BORCS5: variants seen among roughly 807,000 people sequenced by gnomAD.
The protein encoded by BORCS5 is BLOC-1 related complex subunit 5.
In BORCS5, 17 loss-of-function variants were observed where a neutral mutation model predicts 22.1. The ratio of observed to expected loss-of-function variants is 0.77; its 90% CI spans 0.53 to 1.15. The LOEUF is 1.15. BORCS5 is among the 50% of genes most tolerant of loss of function. The pLI is 0.00. For missense variants in BORCS5, 247 were observed against 253.2 expected (o/e 0.98, Z 0.17); for synonymous variants, 117 against 99.8 (o/e 1.17, Z -1.03).
At chr12:12,442,885 C>A (rs1407324776) in intron 3 of BORCS5, among the ~76,000 whole-genome samples, 1 of 152,180 alleles carries the variant, frequency 6.6e-6, no homozygotes, top group Admixed American at 6.5e-5. Flanking sequence ...GGATTTCTTT[C>A]TGTCATCGGT....
At chr12:12,417,957 CT>C (rs61573003) in intron 2 of BORCS5, among the ~76,000 whole-genome samples, 156 of 148,846 alleles carry the variant, frequency 1.0e-3, no homozygotes, top group African/African-American at 3.6e-3. Context: ...ATTTATAATT[CT>C]TTTTTTTTAT....
At chr12:12,438,251 C>G in intron 3 of BORCS5, among the ~76,000 whole-genome samples, 1 of 151,356 alleles carries the variant, frequency 6.6e-6, no homozygotes, top group South Asian at 2.1e-4. Context: ...GTCCCAGCTC[C>G]TCGGGAGGCT....
chr12:12,357,574 C>T (rs1471751970), intron 1 of BORCS5, 65 bp downstream of exon 1: 3 of 1,546,454 alleles, frequency 1.9e-6, no homozygotes, highest in Non-Finnish European at 2.7e-6. Context: ...GGGCTGCCTC[C>T]CAGACTAGGG....
At chr12:12,450,989 T>G (rs1478987574) in intron 3 of BORCS5, among the ~76,000 whole-genome samples, 2 of 152,220 alleles carry the variant, frequency 1.3e-5, no homozygotes, top group Non-Finnish European at 2.9e-5. Flanking sequence ...CTGGGTTCTA[T>G]CTACCAAATC....
At chr12:12,361,010 C>T (rs538051065) in intron 1 of BORCS5, among the ~76,000 whole-genome samples, 196 bp from the exon 2 acceptor site, 3 of 152,150 alleles carry the variant, frequency 2.0e-5, no homozygotes, top group African/African-American at 4.8e-5. Context: ...CATGAGCCAC[C>T]GTGCCTGGCT....
intron 2 of BORCS5, among the ~76,000 whole-genome samples, chr12:12,365,941 C>T (rs968382311): frequency 1.3e-5 from 2 of 152,168 alleles, no homozygotes; most frequent in African/African-American, 2.4e-5. Flanking sequence ...CAGGAACTAG[C>T]GTGGTGGGTA....
chr12:12,372,658 T>G (rs940784768), intron 2 of BORCS5, among the ~76,000 whole-genome samples: 3 of 152,152 alleles, frequency 2.0e-5, no homozygotes, highest in African/African-American at 7.2e-5. Context: ...TAGTTTAATT[T>G]CATCTCACTA....
At chr12:12,374,280 C>G (rs1042817252) in intron 2 of BORCS5, among the ~76,000 whole-genome samples, 8 of 151,694 alleles carry the variant, frequency 5.3e-5, no homozygotes, top group African/African-American at 1.7e-4. Context: ...TGTGAGCCAC[C>G]GCACCCGGCC....
At position 12,408,468 on chromosome 12, in the gene BORCS5, TG is replaced by T. The variant is rs538726406; in HGVS notation, c.203-27159del. Among the ~76,000 whole-genome samples, 3 of 152,338 alleles carry T rather than the reference TG, an allele frequency of 2.0e-5. No individual in the cohort carries two copies. In the South Asian group the frequency reaches 6.2e-4, roughly 32 times the overall value. ...TCAGTGGTATTAAGTACATTGAGAT[TG>T]TTGTGTGACCATCACCACTGTCCAT... On this transcript the variant is annotated intron_variant, in intron 2 of 3. Coordinates refer to ENST00000314565, the MANE Select transcript of BORCS5 (RefSeq NM_058169.6).
intron 1 of BORCS5, 54 bp downstream of exon 1, chr12:12,357,563 C>T: frequency 1.9e-6 from 3 of 1,561,358 alleles, no homozygotes; most frequent in Non-Finnish European, 1.8e-6. Flanking sequence ...CCTTGCAGAG[C>T]GGGCTGCCTC....
chr12:12,374,976 A>G (rs1274641401), intron 2 of BORCS5, among the ~76,000 whole-genome samples: 1 of 151,624 alleles, frequency 6.6e-6, no homozygotes, highest in Admixed American at 6.6e-5. Context: ...AAAATTATTA[A>G]CCAAGTTTGT....
At chr12:12,438,385 A>ATACAC (rs1257519800) in intron 3 of BORCS5, among the ~76,000 whole-genome samples, 2 of 126,146 alleles carry the variant, frequency 1.6e-5, no homozygotes, top group African/African-American at 6.5e-5. Context: ...AAAAAACGAA[A>ATACAC]AACAACAACA....
At position 12,381,561 on chromosome 12, in the gene BORCS5, T is replaced by C. The variant is rs1173603298; in HGVS notation, c.202+20212T>C. On this transcript the variant is annotated intron_variant, in intron 2 of 3. Transcript: ENST00000314565. ...GTCTGTTCCATTGATCTGTCCCATT[T>C]TTAATTTCGTGGATTGTACTTTGGT... Among the ~76,000 whole-genome samples, 14 of 151,544 alleles carry C rather than the reference T, an allele frequency of 9.2e-5. 1 individual carries two copies. The highest frequency in any genetic ancestry group is 2.6e-4 in the Admixed American group (4 of 15,204).
At chr12:12,431,665 G>T (rs915290682) in intron 2 of BORCS5, among the ~76,000 whole-genome samples, 34 of 152,088 alleles carry the variant, frequency 2.2e-4, no homozygotes, top group African/African-American at 8.0e-4. Context: ...TTCCCAAAGT[G>T]CTGGGATTAC....
At position 12,381,153 on chromosome 12, in the gene BORCS5, G is replaced by A. The variant is rs149154074; in HGVS notation, c.202+19804G>A. ...TAGCCTCCCAGGTAGCTGGGATTAC[G>A]GGTGCCTGGCTCATTTTTGTGTTTT... On this transcript the variant is annotated intron_variant, in intron 2 of 3. Transcript: ENST00000314565. Among the ~76,000 whole-genome samples the A allele has an allele frequency of 4.4e-3, 667 of 150,578 alleles. 29 individuals carry two copies. In the East Asian group the frequency reaches 0.087, roughly 20 times the overall value.
chr12:12,370,956 A>G (rs1291273426), intron 2 of BORCS5, among the ~76,000 whole-genome samples: 1 of 152,074 alleles, frequency 6.6e-6, no homozygotes, highest in Admixed American at 6.6e-5. Context: ...TCACTGTGTT[A>G]GCCAGGGTGG....
chr12:12,361,058 T>A, intron 1 of BORCS5, 148 bp from the exon 2 acceptor site: 2 of 712,434 alleles, frequency 2.8e-6, no homozygotes, highest in Non-Finnish European at 4.6e-6. Flanking sequence ...GAAAACAGTT[T>A]CTATAATTCA....
At chr12:12,432,999 G>GA (rs1487561393) in intron 2 of BORCS5, among the ~76,000 whole-genome samples, 1 of 151,636 alleles carries the variant, frequency 6.6e-6, no homozygotes, top group African/African-American at 2.4e-5. Flanking sequence ...TTGTGTATAG[G>GA]AAAAAAAACT....
intron 3 of BORCS5, among the ~76,000 whole-genome samples, chr12:12,461,875 GA>G (rs1287910214): frequency 6.6e-6 from 1 of 152,170 alleles, no homozygotes; most frequent in African/African-American, 2.4e-5. Flanking sequence ...GAGTTGTGGA[GA>G]ATAAAGAGTT....
Sources: gnomAD v4.1 joint callset for allele counts (sites outside exome capture counted in the v4.1 genomes callset) on GRCh38, gnomAD v4.1.1 for gene constraint, MANE v1.5 for transcripts, NCBI Gene and HGNC (gene_info 2026-07-23, HGNC 2026-07-21) for gene names.